CCDC149: variants seen among roughly 807,000 people sequenced by gnomAD.
CCDC149 encodes coiled-coil domain containing 149.
In CCDC149, 45 loss-of-function variants were observed where a neutral mutation model predicts 59.9. The ratio of observed to expected loss-of-function variants is 0.75; its 90% CI spans 0.59 to 0.96. The LOEUF (loss-of-function observed/expected upper bound fraction) is 0.96, where lower values mean the gene tolerates loss of function less well. Ranked by LOEUF, CCDC149 falls within the 40% of genes least tolerant of loss-of-function variation. The pLI is 0.00. For synonymous variants in CCDC149, 245 were observed against 260.6 expected (o/e 0.94, Z 0.58); for missense variants, 584 against 664.7 (o/e 0.88, Z 1.33).
intron 1 of CCDC149, among the ~76,000 whole-genome samples, chr4:24,947,774 A>G (rs776086236): frequency 6.6e-6 from 1 of 152,224 alleles, no homozygotes; most frequent in Non-Finnish European, 1.5e-5. Context: ...ATTACCTTCC[A>G]AGATTCAATC....
intron 4 of CCDC149, among the ~76,000 whole-genome samples, chr4:24,846,232 A>G (rs930185290): frequency 2.0e-5 from 3 of 152,200 alleles, no homozygotes; most frequent in African/African-American, 7.2e-5. Context: ...AGCATTGCCT[A>G]TAGTTCATAA....
At chr4:24,834,820 G>A (rs1177289836) in intron 8 of CCDC149, 128 bp downstream of exon 8, 30 of 563,190 alleles carry the variant, frequency 5.3e-5, no homozygotes, top group South Asian at 2.1e-4. Flanking sequence ...CGTGGAAGTC[G>A]GGGAGCCACT....
In CCDC149 at chr4:24,854,711, C is replaced by A. The variant is rs374972531; in HGVS notation, c.265-1532G>T. On this transcript the variant is annotated intron_variant, in intron 3 of 12. Transcript: ENST00000635206. ...AAGATAACGATTACATGTTGGCTGACCTCCCGTATCCCATTTGTTGGGATA... is the reference window on the plus strand; with the variant it reads ...AAGATAACGATTACATGTTGGCTGAACTCCCGTATCCCATTTGTTGGGATA... Among the ~76,000 whole-genome samples, 54 of 152,288 alleles carry A rather than the reference C, an allele frequency of 3.5e-4. 1 individual carries two copies. The highest frequency in any genetic ancestry group is 3.1e-3 in the Admixed American group (48 of 15,298).
chr4:24,915,356 C>G (rs1478312426), upstream of CCDC149, among the ~76,000 whole-genome samples: 1 of 152,236 alleles, frequency 6.6e-6, no homozygotes, highest in African/African-American at 2.4e-5. Flanking sequence ...CTGCACCTTG[C>G]TCTCTGCCTG....
intron 3 of CCDC149, among the ~76,000 whole-genome samples, chr4:24,862,454 T>C (rs901759688): frequency 2.0e-5 from 3 of 152,216 alleles, no homozygotes; most frequent in African/African-American, 7.2e-5. Context: ...TGGCCCTCTC[T>C]AGTTTGTCTG....
rs1300946800 is a variant in CCDC149, at chr4:24,874,244, G to A, written c.226-525C>T. Reference sequence around the variant, plus strand: ...GAGAACTTCTAGTCCTATTAGATTTGTTTTTTTTTTTTTTTGTTTTGTTTT... The same window carrying A: ...GAGAACTTCTAGTCCTATTAGATTTATTTTTTTTTTTTTTTGTTTTGTTTT... On this transcript the variant is annotated intron_variant, in intron 2 of 12. Transcript: ENST00000635206. Among the ~76,000 whole-genome samples the A allele has an allele frequency of 5.7e-5, 5 of 87,486 alleles. No homozygotes were observed. In the East Asian group the frequency reaches 1.5e-3, roughly 26 times the overall value. 57.4% of individuals were successfully genotyped at this position (87,486 alleles called of 152,430 possible).
intron 1 of CCDC149, among the ~76,000 whole-genome samples, chr4:24,950,755 AT>A (rs957427856): frequency 3.3e-5 from 5 of 152,142 alleles, no homozygotes; most frequent in South Asian, 2.1e-4. Context: ...CAATAAACAC[AT>A]TTTTTCCCCA....
At chr4:24,920,718 A>G (rs1012772374) in intron 1 of CCDC149, among the ~76,000 whole-genome samples, 2 of 152,224 alleles carry the variant, frequency 1.3e-5, no homozygotes, top group Non-Finnish European at 2.9e-5. Flanking sequence ...GATTTTTACC[A>G]CGAATTATTC....
intron 4 of CCDC149, among the ~76,000 whole-genome samples, chr4:24,838,558 T>A (rs1480612570): frequency 6.6e-6 from 1 of 152,090 alleles, no homozygotes; most frequent in South Asian, 2.1e-4. Context: ...CCATTAAAAT[T>A]TAGCGAAGAT....
intron 1 of CCDC149, among the ~76,000 whole-genome samples, chr4:24,951,177 A>G (rs976077052): frequency 2.6e-5 from 4 of 152,224 alleles, no homozygotes; most frequent in African/African-American, 7.2e-5. Flanking sequence ...GACAGATCCC[A>G]TGCATGCCTC....
intron 1 of CCDC149, among the ~76,000 whole-genome samples, chr4:24,962,734 G>A (rs879714644): frequency 2.6e-4 from 39 of 151,948 alleles, no homozygotes; most frequent in Non-Finnish European, 5.1e-4. Context: ...GGCCTGTTGT[G>A]GGGTGGGAGG....
chr4:24,979,899 T>C (rs1560277275), intron 1 of CCDC149, among the ~76,000 whole-genome samples: 1 of 152,202 alleles, frequency 6.6e-6, no homozygotes, highest in Non-Finnish European at 1.5e-5. Flanking sequence ...CCCGAGAATC[T>C]TGTTGTGGAA....
At position 24,919,962 on chromosome 4, in the gene CCDC149, G is replaced by T. The variant is rs977348643; in HGVS notation, c.-64-24844C>A. On this transcript the variant is annotated intron_variant, in intron 1 of 12. Coordinates refer to the CCDC149 transcript ENST00000389609. ...CTTGCTATACAAGAGAAGATATAGA[G>T]GCCCAGAGAGATAAAGCAATGTGCC... Among the ~76,000 whole-genome samples, 4 of 152,290 alleles carry T rather than the reference G, an allele frequency of 2.6e-5. No individual in the cohort carries two copies. The South Asian group carries it at 8.3e-4, about 32-fold the overall frequency.
chr4:24,900,771 G>A (rs1422738192), intron 1 of CCDC149, among the ~76,000 whole-genome samples: 1 of 152,242 alleles, frequency 6.6e-6, no homozygotes, highest in Non-Finnish European at 1.5e-5. Flanking sequence ...TTTTAGGAGG[G>A]ATGTGGGGTT....
intron 12 of CCDC149, among the ~76,000 whole-genome samples, chr4:24,810,742 G>A (rs1340617013): frequency 6.6e-6 from 1 of 152,146 alleles, no homozygotes; most frequent in East Asian, 1.9e-4. Context: ...CATATTAAAC[G>A]ATTCACACCA....
intron 1 of CCDC149, among the ~76,000 whole-genome samples, chr4:24,933,403 C>T (rs547346634): frequency 6.6e-6 from 1 of 152,082 alleles, no homozygotes; most frequent in African/African-American, 2.4e-5. Flanking sequence ...GTAAGTTTTT[C>T]TAGCAAACTG....
chr4:24,852,054 G>C (rs1473067071), intron 4 of CCDC149, among the ~76,000 whole-genome samples: 1 of 151,580 alleles, frequency 6.6e-6, no homozygotes. Context: ...ATGCCCTCAA[G>C]TCAGGACTCT....
intron 1 of CCDC149, among the ~76,000 whole-genome samples, chr4:24,946,294 G>T (rs1382184526): frequency 6.6e-6 from 1 of 152,140 alleles, no homozygotes; most frequent in Non-Finnish European, 1.5e-5. Flanking sequence ...GAGATTTTGT[G>T]AGTCCCCAGT....
chr4:24,827,052 A>C (rs1228502446), intron 9 of CCDC149: 1 of 152,204 alleles, frequency 6.6e-6, no homozygotes, highest in African/African-American at 2.4e-5. Flanking sequence ...TAGTCTAGGA[A>C]AATCTCTCAG....
Sources: allele counts gnomAD v4.1 joint callset (sites outside exome capture counted in the v4.1 genomes callset), GRCh38; gene constraint gnomAD v4.1.1; transcripts MANE v1.5; gene names NCBI Gene and HGNC (gene_info 2026-07-23, HGNC 2026-07-21).